Variants in C10orf88 observed in about 807,000 individuals in gnomAD.
The protein encoded by C10orf88 is chromosome 10 open reading frame 88.
Under a neutral mutation model 34.2 loss-of-function variants are expected in C10orf88, and 29 were observed. The ratio of observed to expected loss-of-function variants is 0.85; its 90% CI spans 0.63 to 1.16. The LOEUF (loss-of-function observed/expected upper bound fraction) is 1.16, where lower values mean the gene tolerates loss of function less well. C10orf88 is among the 50% of genes most tolerant of loss of function. C10orf88 has a pLI of 0.00. For missense variants in C10orf88, 507 were observed against 533.2 expected (o/e 0.95, Z 0.48); for synonymous variants, 194 against 197.4 (o/e 0.98, Z 0.15).
intron 4 of C10orf88, among the ~76,000 whole-genome samples, chr10:122,943,717 C>T (rs963584053): frequency 8.6e-4 from 131 of 152,050 alleles, no homozygotes; most frequent in African/African-American, 2.2e-3. Flanking sequence ...AGGCAAAGGA[C>T]ATGAACAGAC....
At chr10:122,933,090 C>G (rs1848500692) in intron 5 of C10orf88, among the ~76,000 whole-genome samples, 2 of 151,926 alleles carry the variant, frequency 1.3e-5, no homozygotes, top group African/African-American at 2.4e-5. Flanking sequence ...TTTTTTTAAC[C>G]TGGTATAAAA....
intron 5 of C10orf88, among the ~76,000 whole-genome samples, chr10:122,935,897 A>AT (rs899630327): frequency 6.6e-6 from 1 of 151,556 alleles, no homozygotes; most frequent in Non-Finnish European, 1.5e-5. Flanking sequence ...AGATTTACAT[A>AT]TTTTACATAT....
At position 122,954,076 on chromosome 10, in the gene C10orf88, G is replaced by C; in HGVS notation, c.103C>G (p.Arg35Gly). ...AAGTCACCGGGGCCGAGACCGGCCC[G>C]GGTGAGGAGGAGGCTGTGGGTCAGG... ...GALTHSLLLT[R>G]AGLGPGDFDW... The change falls in exon 1 of 6, where the codon CGG becomes GGG. Residue 35 changes from arginine (R) to glycine (G), a missense_variant. Physicochemically the swap from Arg to Gly is moderately radical, Grantham distance 125. Coordinates refer to ENST00000481909, the MANE Select transcript of C10orf88 (RefSeq NM_024942.4). The C allele has an allele frequency of 1.3e-6, 2 of 1,562,642 alleles. No homozygotes were observed. Among genetic ancestry groups the C allele is most frequent in the South Asian group, 2.3e-5 (2 of 85,644 alleles).
Position 122,948,690 on chromosome 10 carries a change from CA to C in C10orf88, c.606del (p.Gly203GlufsTer5). The C allele has an allele frequency of 6.2e-6, 10 of 1,613,942 alleles. No homozygotes were observed. Among genetic ancestry groups the C allele is most frequent in the Non-Finnish European group, 8.5e-6 (10 of 1,179,874 alleles). Reference protein sequence around the residue: ...IMESMGSKLSPGAQQLMDMVR... With the variant: ...IMESMGSKLSXGAQQLMDMVR... Reference sequence around the variant, plus strand: ...ACCATATCCATCAACTGCTGAGCTCCAGGAGATAACTTTGACCCCATGGACT... The same window carrying C: ...ACCATATCCATCAACTGCTGAGCTCCGGAGATAACTTTGACCCCATGGACT... On this transcript the variant is annotated frameshift_variant, in exon 4 of 6. Coordinates refer to ENST00000481909, the MANE Select transcript of C10orf88 (RefSeq NM_024942.4). LOFTEE classifies it high-confidence loss of function.
intron 5 of C10orf88, among the ~76,000 whole-genome samples, chr10:122,936,461 T>C (rs1162829840): frequency 6.6e-6 from 1 of 151,938 alleles, no homozygotes; most frequent in Non-Finnish European, 1.5e-5. Flanking sequence ...TTTCTGTTAT[T>C]ATTTCCTTCT....
chr10:122,939,968 G>A (rs137929043), intron 4 of C10orf88, among the ~76,000 whole-genome samples: 31 of 151,984 alleles, frequency 2.0e-4, no homozygotes, highest in African/African-American at 7.2e-4. Context: ...AAATAGTATA[G>A]CAGTGATGAA....
At chr10:122,949,567 G>C (rs182718518) in intron 3 of C10orf88, among the ~76,000 whole-genome samples, 1 of 152,332 alleles carries the variant, frequency 6.6e-6, no homozygotes, top group East Asian at 1.9e-4. Context: ...TCATGTTCCA[G>C]ACAGGACTGA....
chr10:122,936,584 T>G (rs976577866), intron 5 of C10orf88, among the ~76,000 whole-genome samples: 55 of 151,990 alleles, frequency 3.6e-4, no homozygotes, highest in Admixed American at 3.5e-3. Flanking sequence ...AGCTTTACGC[T>G]ACTGATTTAA....
chr10:122,932,788 G>T, intron 5 of C10orf88, 127 bp from the exon 6 acceptor site: 1 of 662,456 alleles, frequency 1.5e-6, no homozygotes, highest in Non-Finnish European at 2.5e-6. Flanking sequence ...TTCTTACAAT[G>T]CATTTCTAGG....
At chr10:122,944,411 A>G (rs1848616895) in intron 4 of C10orf88, among the ~76,000 whole-genome samples, 1 of 150,898 alleles carries the variant, frequency 6.6e-6, no homozygotes, top group African/African-American at 2.4e-5. Context: ...GCATTGGGAG[A>G]TATACCTAAT....
intron 4 of C10orf88, among the ~76,000 whole-genome samples, chr10:122,944,514 T>C (rs1243267090): frequency 6.6e-6 from 1 of 151,952 alleles, no homozygotes; most frequent in African/African-American, 2.4e-5. Flanking sequence ...ACCCTAAAAC[T>C]TAAAGTATAA....
chr10:122,941,467 G>A (rs1206967845), intron 4 of C10orf88, among the ~76,000 whole-genome samples: 5 of 152,122 alleles, frequency 3.3e-5, no homozygotes. Context: ...CAAAACTTCT[G>A]AGGTCCTTCC....
chr10:122,938,228 T>A, intron 4 of C10orf88, 69 bp from the exon 5 acceptor site: 1 of 1,262,940 alleles, frequency 7.9e-7, no homozygotes, highest in Non-Finnish European at 1.1e-6. Flanking sequence ...GTAATTACTA[T>A]GAGTCAGGCA....
At chr10:122,946,379 T>C (rs1303528120) in intron 4 of C10orf88, among the ~76,000 whole-genome samples, 2 of 152,170 alleles carry the variant, frequency 1.3e-5, no homozygotes, top group African/African-American at 4.8e-5. Flanking sequence ...ACACAAATCC[T>C]TACCATTATA....
intron 5 of C10orf88, among the ~76,000 whole-genome samples, chr10:122,934,529 C>T (rs190457884): frequency 5.3e-5 from 8 of 152,230 alleles, no homozygotes; most frequent in African/African-American, 1.7e-4. Context: ...ATCAGCACTG[C>T]GTGATATGGA....
intron 4 of C10orf88, among the ~76,000 whole-genome samples, chr10:122,943,707 A>G (rs1312999893): frequency 2.6e-5 from 4 of 151,906 alleles, no homozygotes; most frequent in Non-Finnish European, 4.4e-5. Flanking sequence ...ATCAAAAAGT[A>G]GGCAAAGGAC....
intron 4 of C10orf88, among the ~76,000 whole-genome samples, chr10:122,945,912 C>T (rs1848635237): frequency 6.6e-6 from 1 of 152,030 alleles, no homozygotes; most frequent in Non-Finnish European, 1.5e-5. Context: ...GCCTGGCCAA[C>T]ATGGTGAAAC....
At chr10:122,940,278 T>C (rs987350406) in intron 4 of C10orf88, among the ~76,000 whole-genome samples, 14 of 152,064 alleles carry the variant, frequency 9.2e-5, no homozygotes, top group African/African-American at 3.4e-4. Flanking sequence ...ATGATCAATC[T>C]GGAAGACATG....
chr10:122,950,530 T>C (rs139291081), intron 3 of C10orf88, among the ~76,000 whole-genome samples: 1 of 147,218 alleles, frequency 6.8e-6, no homozygotes, highest in Non-Finnish European at 1.5e-5. Context: ...AAGATGTGAC[T>C]GTCTTCAACA....
Sources: allele counts gnomAD v4.1 joint callset (sites outside exome capture counted in the v4.1 genomes callset), GRCh38; gene constraint gnomAD v4.1.1; transcripts MANE v1.5; gene names NCBI Gene and HGNC (gene_info 2026-07-23, HGNC 2026-07-21).